The following NTM variants were observed in gnomAD, a reference collection of about 807,000 sequenced individuals.
NTM encodes the protein IgLON family member 2.
NTM carries 13 observed loss-of-function variants against 42.1 expected under a neutral mutation model. The observed-to-expected ratio is 0.31, with a 90% confidence interval of 0.20 to 0.49. The LOEUF is 0.49. Among genes scored for constraint, NTM ranks in the 20% least tolerant of loss-of-function variants. NTM has a pLI of 0.99. For missense variants in NTM, 373 were observed against 452.8 expected (o/e 0.82, Z 1.60); for synonymous variants, 187 against 179.2 (o/e 1.04, Z -0.35).
intron 2 of NTM, among the ~76,000 whole-genome samples, chr11:132,133,434 T>C (rs763969261): frequency 4.6e-5 from 7 of 152,230 alleles, no homozygotes; most frequent in South Asian, 2.1e-4. Context: ...CAATGAACAT[T>C]TGGCAAATAA....
intron 2 of NTM, among the ~76,000 whole-genome samples, chr11:132,076,777 C>T (rs1332672826): frequency 6.6e-6 from 1 of 152,122 alleles, no homozygotes; most frequent in Admixed American, 6.5e-5. Context: ...TTGCATAGGG[C>T]TACATTGAAG....
intron 4 of NTM, among the ~76,000 whole-genome samples, chr11:132,253,457 A>T (rs2092179843): frequency 2.0e-5 from 3 of 152,226 alleles, no homozygotes; most frequent in Non-Finnish European, 4.4e-5. Flanking sequence ...GCAGATTTCA[A>T]AAAACAGAGA....
chr11:131,527,642 C>G (rs1276472987), intron 1 of NTM, among the ~76,000 whole-genome samples: 1 of 152,208 alleles, frequency 6.6e-6, no homozygotes, highest in Non-Finnish European at 1.5e-5. Flanking sequence ...TAATTTCTTT[C>G]TTTCCTGCTA....
intron 1 of NTM, among the ~76,000 whole-genome samples, chr11:131,456,775 G>C (rs1394022880): frequency 6.6e-6 from 1 of 152,210 alleles, no homozygotes; most frequent in South Asian, 2.1e-4. Flanking sequence ...ACACTAGCAT[G>C]TTCCTTTGAG....
chr11:131,878,597 ATAT>A (rs2048944599), intron 1 of NTM, among the ~76,000 whole-genome samples: 19 of 9,702 alleles, frequency 2.0e-3, no homozygotes, highest in South Asian at 3.8e-3. Context: ...AAAAAAAAAT[ATAT>A]ATATATATAT....
chr11:131,829,871 C>T (rs1166146109), intron 1 of NTM, among the ~76,000 whole-genome samples: 1 of 152,072 alleles, frequency 6.6e-6, no homozygotes, highest in Non-Finnish European at 1.5e-5. Flanking sequence ...ATAATAGCCA[C>T]TCTGACCAGT....
chr11:132,327,303 C>A (rs1208515882), intron 7 of NTM, among the ~76,000 whole-genome samples: 1 of 152,156 alleles, frequency 6.6e-6, no homozygotes, highest in Non-Finnish European at 1.5e-5. Flanking sequence ...TATCAGTGGG[C>A]TGGTAAAGGT....
chr11:132,245,384 G>A (rs2090960903), intron 4 of NTM, among the ~76,000 whole-genome samples: 1 of 152,132 alleles, frequency 6.6e-6, no homozygotes, highest in Non-Finnish European at 1.5e-5. Context: ...TGGAGGGCCA[G>A]GTAATGCCAG....
chr11:131,476,032 G>A (rs1209196265), intron 1 of NTM, among the ~76,000 whole-genome samples: 2 of 152,044 alleles, frequency 1.3e-5, no homozygotes, highest in Middle Eastern at 6.3e-3. Context: ...AGGAGTGAAG[G>A]AAGGAAAAAA....
chr11:132,270,284 T>G (rs2093413517), intron 4 of NTM, among the ~76,000 whole-genome samples: 1 of 152,216 alleles, frequency 6.6e-6, no homozygotes. Context: ...CAGGTTGGAG[T>G]GCAATAGCAC....
At chr11:131,676,434 T>C (rs1006825480) in intron 1 of NTM, among the ~76,000 whole-genome samples, 8 of 151,506 alleles carry the variant, frequency 5.3e-5, no homozygotes, top group Admixed American at 6.6e-5. Context: ...AGGGTGTGTG[T>C]ATCTGTGTGT....
At chr11:131,891,994 G>A (rs2051423673) in intron 1 of NTM, among the ~76,000 whole-genome samples, 1 of 152,170 alleles carries the variant, frequency 6.6e-6, no homozygotes, top group Non-Finnish European at 1.5e-5. Context: ...AGAGAGGGTA[G>A]CTTCTTGTAT....
chr11:132,325,821 G>A (rs933569134), intron 7 of NTM, among the ~76,000 whole-genome samples: 6 of 152,112 alleles, frequency 3.9e-5, no homozygotes, highest in East Asian at 3.9e-4. Flanking sequence ...TATACACCAC[G>A]GAATACTATG....
chr11:132,123,403 C>T (rs948927001), intron 2 of NTM, among the ~76,000 whole-genome samples: 2 of 152,176 alleles, frequency 1.3e-5, no homozygotes, highest in African/African-American at 4.8e-5. Flanking sequence ...CTTTTCTAAA[C>T]ACAACCATGT....
At chr11:132,279,380 A>G (rs2093875504) in intron 4 of NTM, among the ~76,000 whole-genome samples, 1 of 152,128 alleles carries the variant, frequency 6.6e-6, no homozygotes, top group Non-Finnish European at 1.5e-5. Context: ...GGCACTGTTT[A>G]TCACAGAGAT....
rs544392808 is a variant in NTM at position 132,054,153 on chromosome 11, T to G, written c.168-92129T>G. On this transcript the variant is annotated intron_variant, in intron 2 of 8. Coordinates refer to ENST00000683400, the MANE Select transcript of NTM (RefSeq NM_001352005.2). The stretch of plus-strand genomic sequence containing the variant: ...TCACTTGAGCCTGAGAGGTAGAGGT[T>G]GCAGTGAGTCAAGATTATGCCACGG... Among the ~76,000 whole-genome samples, 4 of 152,338 alleles carry G rather than the reference T, an allele frequency of 2.6e-5. No homozygotes were observed. In the South Asian group the frequency reaches 8.3e-4, roughly 32 times the overall value.
intron 1 of NTM, among the ~76,000 whole-genome samples, chr11:131,396,766 G>A (rs1374552238): frequency 6.6e-6 from 1 of 151,970 alleles, no homozygotes; most frequent in Admixed American, 6.6e-5. Context: ...CACGGGGGAC[G>A]GAAGTTGCAG....
intron 1 of NTM, among the ~76,000 whole-genome samples, chr11:131,624,951 C>G (rs895346600): frequency 6.6e-6 from 1 of 152,050 alleles, no homozygotes; most frequent in Non-Finnish European, 1.5e-5. Flanking sequence ...TTTGCTCCCT[C>G]AAAAAAGAAA....
chr11:131,460,063 T>A lies in NTM; in HGVS notation c.82+89175T>A, dbSNP rs572362942. On this transcript the variant is annotated intron_variant, in intron 1 of 8. Coordinates refer to ENST00000683400, the MANE Select transcript of NTM (RefSeq NM_001352005.2). Reference sequence around the variant, plus strand: ...TATGATGTGTCGTTAGTGTGTGTAATTTCCCGAAAAGTTGAGATATGGGAC... The same window carrying A: ...TATGATGTGTCGTTAGTGTGTGTAAATTCCCGAAAAGTTGAGATATGGGAC... Among the ~76,000 whole-genome samples the A allele has an allele frequency of 3.9e-5, 6 of 152,318 alleles. No individual in the cohort carries two copies. The South Asian group carries it at 1.2e-3, about 32-fold the overall frequency.
Sources: gnomAD v4.1 joint callset for allele counts (sites outside exome capture counted in the v4.1 genomes callset) on GRCh38, gnomAD v4.1.1 for gene constraint, MANE v1.5 for transcripts, NCBI Gene and HGNC (gene_info 2026-07-23, HGNC 2026-07-21) for gene names.